The following FGF14 variants were observed in gnomAD, a reference collection of about 807,000 sequenced individuals.
FGF14 encodes fibroblast growth factor 14, also known as fibroblast growth factor homologous factor 4.
A neutral mutation model predicts 25.5 loss-of-function variants in FGF14; 5 were observed. The observed-to-expected ratio is 0.20, with a 90% CI of 0.10 to 0.41. The LOEUF (loss-of-function observed/expected upper bound fraction) is 0.41. FGF14 is among the 10% of genes least tolerant of loss of function. The pLI is 1.00. For synonymous variants in FGF14, 138 were observed against 118.3 expected, an observed-to-expected ratio of 1.17 and a Z score of -1.08; for missense variants, 222 against 320.1, an observed-to-expected ratio of 0.69 and a Z score of 2.34.
chr13:102,047,770 G>C (rs2042051430), intron 1 of FGF14, among the ~76,000 whole-genome samples: 1 of 151,988 alleles, frequency 6.6e-6, no homozygotes. Context: ...CATGGCACAT[G>C]TATACATATG....
chr13:102,047,480 C>G (rs1595101377), intron 1 of FGF14, among the ~76,000 whole-genome samples: 2 of 152,200 alleles, frequency 1.3e-5, no homozygotes, highest in East Asian at 3.9e-4. Flanking sequence ...ACATATACAC[C>G]ATGGAATACT....
intron 1 of FGF14, among the ~76,000 whole-genome samples, chr13:102,037,932 T>C (rs571544715): frequency 6.6e-6 from 1 of 152,232 alleles, no homozygotes; most frequent in African/African-American, 2.4e-5. Context: ...CCCCATTTTA[T>C]ACATCCAGTG....
At chr13:102,049,607 T>A (rs1210731461) in intron 1 of FGF14, among the ~76,000 whole-genome samples, 1 of 152,166 alleles carries the variant, frequency 6.6e-6, no homozygotes, top group African/African-American at 2.4e-5. Flanking sequence ...ACCAGTACCT[T>A]AGAATGTGAC....
chr13:102,008,641 C>A (rs942594211), intron 1 of FGF14, among the ~76,000 whole-genome samples: 1 of 151,872 alleles, frequency 6.6e-6, no homozygotes, highest in Non-Finnish European at 1.5e-5. Flanking sequence ...TTTCTCAGTT[C>A]TTTCCACGTG....
At chr13:102,182,581 C>T (rs1008652573) in intron 1 of FGF14, among the ~76,000 whole-genome samples, 1 of 151,934 alleles carries the variant, frequency 6.6e-6, no homozygotes, top group Non-Finnish European at 1.5e-5. Context: ...AATTTGTTTT[C>T]TCTCTTGTAA....
chr13:102,153,480 G>C (rs988025671), intron 1 of FGF14, among the ~76,000 whole-genome samples: 7 of 152,116 alleles, frequency 4.6e-5, no homozygotes, highest in Admixed American at 6.5e-5. Context: ...ATATGCAATA[G>C]GATGGGCATC....
chr13:101,850,943 G>A (rs2043814737), intron 3 of FGF14, among the ~76,000 whole-genome samples: 1 of 151,720 alleles, frequency 6.6e-6, no homozygotes, highest in African/African-American at 2.4e-5. Flanking sequence ...CATTTATGAG[G>A]GATAGGAAGT....
At chr13:102,103,643 C>A (rs945532519) in intron 1 of FGF14, among the ~76,000 whole-genome samples, 2 of 152,174 alleles carry the variant, frequency 1.3e-5, no homozygotes, top group African/African-American at 4.8e-5. Flanking sequence ...CAAAGCCCAA[C>A]AAGATCTCCT....
chr13:102,280,445 G>C (rs567369931), intron 1 of FGF14, among the ~76,000 whole-genome samples: 71 of 152,288 alleles, frequency 4.7e-4, no homozygotes, highest in Middle Eastern at 6.8e-3. Context: ...ATAGAATCTG[G>C]AGGGTGGAGA....
At chr13:101,823,273 G>GAT (rs1380277512) in intron 3 of FGF14, among the ~76,000 whole-genome samples, 2 of 88,254 alleles carry the variant, frequency 2.3e-5, no homozygotes, top group Non-Finnish European at 5.2e-5. Flanking sequence ...TTGAGGAATT[G>GAT]ACATTGTTTT....
At chr13:102,334,422 C>T (rs575402552) in intron 1 of FGF14, among the ~76,000 whole-genome samples, 2 of 152,278 alleles carry the variant, frequency 1.3e-5, no homozygotes, top group South Asian at 4.1e-4. Flanking sequence ...ACTCAGCTTT[C>T]AAATGCCCCT....
chr13:102,225,128 T>C (rs1039491954), intron 1 of FGF14, among the ~76,000 whole-genome samples: 7 of 152,126 alleles, frequency 4.6e-5, no homozygotes, highest in Admixed American at 1.3e-4. Context: ...CTCCTCCTCC[T>C]GTGAGTTTTG....
Position 102,344,660 on chromosome 13 carries a change from G to A in FGF14, c.208+56811C>T, listed in dbSNP as rs116582553. On this transcript the variant is annotated intron_variant, in intron 1 of 4. Coordinates refer to the FGF14 transcript ENST00000376131. ...GGATGTACAAAGGATCTGCAGTAAG[G>A]AAGAAGAGAGGCACATAAGAGATCA... 2.8e-3 allele frequency among the ~76,000 whole-genome samples: 434 copies of A among 152,300 alleles called. 2 individuals carry two copies. Among genetic ancestry groups the A allele is most frequent in the African/African-American group, 0.01 (425 of 41,572 alleles).
At chr13:102,314,113 A>AT (rs2055905438) in intron 1 of FGF14, among the ~76,000 whole-genome samples, 1 of 152,076 alleles carries the variant, frequency 6.6e-6, no homozygotes, top group African/African-American at 2.4e-5. Context: ...AAAATGGCTA[A>AT]TTTTCTGAGA....
chr13:101,835,700 C>A (rs911192634), intron 3 of FGF14, among the ~76,000 whole-genome samples: 1 of 151,936 alleles, frequency 6.6e-6, no homozygotes, highest in African/African-American at 2.4e-5. Context: ...AAAGTGGAGA[C>A]ACTGGCAAGA....
At chr13:101,743,264 C>T (rs2036667810) in intron 3 of FGF14, among the ~76,000 whole-genome samples, 1 of 152,128 alleles carries the variant, frequency 6.6e-6, no homozygotes, top group South Asian at 2.1e-4. Context: ...TTTTGGTTTA[C>T]AGAGACTAAG....
chr13:101,780,356 C>T (rs2039414851), intron 3 of FGF14, among the ~76,000 whole-genome samples: 1 of 152,132 alleles, frequency 6.6e-6, no homozygotes, highest in South Asian at 2.1e-4. Context: ...AGAAATACTG[C>T]TGCTGATTTT....
intron 3 of FGF14, among the ~76,000 whole-genome samples, chr13:101,835,746 C>T (rs1484732807): frequency 6.6e-6 from 1 of 151,972 alleles, no homozygotes; most frequent in Non-Finnish European, 1.5e-5. Flanking sequence ...GGGCACTGTG[C>T]TTGCGGCTAC....
At chr13:102,363,164 G>T (rs1455812983) in intron 1 of FGF14, among the ~76,000 whole-genome samples, 1 of 152,132 alleles carries the variant, frequency 6.6e-6, no homozygotes, top group Non-Finnish European at 1.5e-5. Flanking sequence ...AAATCGAAAT[G>T]TAATTTTGCA....
Sources: gnomAD v4.1 joint callset for allele counts (sites outside exome capture counted in the v4.1 genomes callset) on GRCh38, gnomAD v4.1.1 for gene constraint, MANE v1.5 for transcripts, NCBI Gene and HGNC (gene_info 2026-07-23, HGNC 2026-07-21) for gene names.